Variants in THADA observed in about 807,000 individuals in gnomAD.
The protein encoded by THADA is THADA armadillo repeat containing, also known as tRNA (32-2'-O)-methyltransferase regulator THADA.
A neutral mutation model predicts 219.8 loss-of-function variants in THADA; 213 were observed. That is an observed-to-expected ratio of 0.97 (90% CI 0.87 to 1.09). THADA has a LOEUF of 1.09. Ranked by LOEUF, THADA falls within the 50% of genes least tolerant of loss-of-function variation. The pLI is 0.00. For missense variants in THADA, 2,956 were observed against 2,311.3 expected (o/e 1.28, Z -5.72); for synonymous variants, 1,018 against 828.9 (o/e 1.23, Z -3.92).
In THADA at chr2:43,498,851, A is replaced by G; in HGVS notation, c.3726T>C (p.Phe1242=). ...ADGAKAAILG[F]TSPVWAVRNS... ...CACTTACTGCCCAGACCGGTGATGT[A>G]AAACCCAGAATTGCAGCCTTAGCTC... Residue 1242 remains phenylalanine, a synonymous_variant, in exon 25 of 38, where the codon TTT becomes TTC. Transcript: ENST00000405975. The G allele has an allele frequency of 6.2e-7, 1 of 1,613,002 alleles. No homozygotes were observed. The highest frequency in any genetic ancestry group is 1.1e-5 in the South Asian group (1 of 90,658).
At position 43,498,906 on chromosome 2, in the gene THADA, C is replaced by T. The variant is rs773877085; in HGVS notation, c.3671G>A (p.Gly1224Glu). The change falls in exon 25 of 38, where the codon GGA becomes GAA. Residue 1224 changes from glycine to glutamate, a missense_variant. Physicochemically the swap from Gly to Glu is moderately conservative, Grantham distance 98. Coordinates refer to ENST00000405975, the MANE Select transcript of THADA (RefSeq NM_022065.5). ...LRALFRDTRLGENIIPYVADG... is the reference protein window; with the variant it reads ...LRALFRDTRLEENIIPYVADG... ...AGCAACATAAGGAATAATATTTTCT[C>T]CCAGGCGCGTATCTCTGAACAATGC... 2 of 1,601,064 alleles carry T rather than the reference C, an allele frequency of 1.2e-6. No individual in the cohort carries two copies. Among genetic ancestry groups the T allele is most frequent in the Non-Finnish European group, 8.5e-7 (1 of 1,173,444 alleles).
At chr2:43,593,602 G>C (rs1372088174) in intron 1 of THADA, among the ~76,000 whole-genome samples, 1 of 151,664 alleles carries the variant, frequency 6.6e-6, no homozygotes, top group Non-Finnish European at 1.5e-5. Context: ...TGGAGAAAAA[G>C]GGAATAGATT....
At chr2:43,436,703 T>A (rs547456506) in intron 26 of THADA, among the ~76,000 whole-genome samples, 16 of 152,316 alleles carry the variant, frequency 1.1e-4, no homozygotes, top group East Asian at 9.6e-4. Context: ...GAATACATTC[T>A]TTGGACTAAA....
intron 29 of THADA, among the ~76,000 whole-genome samples, chr2:43,364,068 C>G (rs1416444558): frequency 6.8e-6 from 1 of 147,066 alleles, no homozygotes; most frequent in African/African-American, 2.7e-5. Flanking sequence ...ACCAAAATTA[C>G]AAAAAATTAT....
At chr2:43,270,789 G>C (rs760343580) in intron 36 of THADA, among the ~76,000 whole-genome samples, 2 of 152,208 alleles carry the variant, frequency 1.3e-5, no homozygotes, top group African/African-American at 2.4e-5. Context: ...CAAGACTGCA[G>C]TGAGCTACAA....
At chr2:43,404,752 T>C (rs1369056769) in intron 28 of THADA, among the ~76,000 whole-genome samples, 1 of 152,124 alleles carries the variant, frequency 6.6e-6, no homozygotes, top group Non-Finnish European at 1.5e-5. Context: ...TGCTCTGGAA[T>C]CCAGCAGACC....
chr2:43,467,054 C>T (rs1006401361), intron 26 of THADA, among the ~76,000 whole-genome samples: 9 of 151,208 alleles, frequency 6.0e-5, no homozygotes, highest in African/African-American at 1.7e-4. Flanking sequence ...TGGTAGCGGG[C>T]GCCTGTAGTC....
chr2:43,556,274 T>C, intron 17 of THADA, 71 bp downstream of exon 17: 2 of 1,571,852 alleles, frequency 1.3e-6, no homozygotes, highest in Non-Finnish European at 1.7e-6. Context: ...TGTTTAACCA[T>C]TAGATATTCT....
rs756363512 is a variant in THADA, at chr2:43,574,885, C to A, written c.1180G>T (p.Glu394Ter). Residue 394 changes from glutamate to a stop codon, truncating the protein, a stop_gained, in exon 11 of 38, where the codon GAA becomes TAA. Transcript: ENST00000405975. LOFTEE classifies it high-confidence loss of function. ...TGTTCCCAATGGGTATAGACATATT[C>A]CAAAAGTCTCCCAACTATACTTGAA... ...GNSSIVGRLLEYVYTHWEHPL... is the reference protein window; with the variant it reads ...GNSSIVGRLL 2 of 1,613,850 alleles carry A rather than the reference C, an allele frequency of 1.2e-6. No individual in the cohort carries two copies. The highest frequency in any genetic ancestry group is 2.7e-5 in the African/African-American group (2 of 74,912).
chr2:43,533,858 G>A lies in THADA; in HGVS notation c.3265-5870C>T, dbSNP rs116540993. 3.2e-3 allele frequency among the ~76,000 whole-genome samples: 492 copies of A among 152,198 alleles called. 4 individuals are homozygous for A. Among genetic ancestry groups the A allele is most frequent in the African/African-American group, 0.01 (435 of 41,510 alleles). On this transcript the variant is annotated intron_variant, in intron 21 of 37. Transcript: ENST00000405975. ...ACCACCGTGGCACATGTATACCTAC[G>A]TAACAAACCTCACGTTCAGCACATG...
At chr2:43,503,724 C>A (rs1457555286) in intron 24 of THADA, among the ~76,000 whole-genome samples, 3 of 151,976 alleles carry the variant, frequency 2.0e-5, no homozygotes, top group Non-Finnish European at 4.4e-5. Context: ...AGAAGGAAAG[C>A]AAATTATCAA....
intron 26 of THADA, among the ~76,000 whole-genome samples, chr2:43,472,208 G>A (rs1684984097): frequency 1.3e-5 from 2 of 152,214 alleles, no homozygotes; most frequent in South Asian, 4.1e-4. Flanking sequence ...TTTGAAGGTA[G>A]CCAAGGCTGA....
Position 43,541,215 on chromosome 2 carries a change from G to T in THADA, c.3208C>A (p.Leu1070Ile), listed in dbSNP as rs1337420104. ...VALLLGMLCQ[L>I]LPMQPVPESS... ...TCTGGCACAGGCTGCATGGGCAGAA[G>T]CTGGCACAACATGCCTAAAAGTAAA... Residue 1070 changes from leucine (L) to isoleucine (I), a missense_variant, in exon 21 of 38, where the codon CTT (leucine) becomes ATT (isoleucine). Physicochemically the swap from Leu to Ile is conservative, Grantham distance 5. Transcript: ENST00000405975. 2.5e-6 allele frequency: 4 copies of T among 1,610,686 alleles called. No individual in the cohort carries two copies. Among genetic ancestry groups the T allele is most frequent in the Non-Finnish European group, 3.4e-6 (4 of 1,178,760 alleles).
chr2:43,464,913 C>A (rs1164722156), intron 26 of THADA, among the ~76,000 whole-genome samples: 1 of 152,062 alleles, frequency 6.6e-6, no homozygotes, highest in Non-Finnish European at 1.5e-5. Flanking sequence ...CAGTAACGAA[C>A]ATTTTGCCAG....
intron 36 of THADA, among the ~76,000 whole-genome samples, chr2:43,235,969 G>A (rs897512984): frequency 5.9e-5 from 9 of 152,112 alleles, no homozygotes; most frequent in Non-Finnish European, 1.0e-4. Flanking sequence ...ACCACGCCCG[G>A]CTAAATTTTT....
At chr2:43,498,787 C>T in intron 25 of THADA, 46 bp downstream of exon 25, 2 of 1,592,252 alleles carry the variant, frequency 1.3e-6, no homozygotes, top group Non-Finnish European at 1.7e-6. Flanking sequence ...AAAACCTACT[C>T]AGAAGCATAA....
rs564281401 is a variant in THADA at position 43,483,007 on chromosome 2, C to A, written c.3836+2227G>T. On this transcript the variant is annotated intron_variant, in intron 26 of 37. Transcript: ENST00000405975. Reference sequence around the variant, plus strand: ...CCAGTGGCAGCAAAATGCCTAGAAACCAGGTTTGTTTACTCCAAGTCAGAC... The same window carrying A: ...CCAGTGGCAGCAAAATGCCTAGAAAACAGGTTTGTTTACTCCAAGTCAGAC... Among the ~76,000 whole-genome samples the A allele has an allele frequency of 7.9e-5, 12 of 152,234 alleles. No individual in the cohort carries two copies. The East Asian group carries it at 2.3e-3, about 29-fold the overall frequency.
rs556214115 is a variant in THADA at position 43,432,135 on chromosome 2, C to A, written c.3837-1833G>T. On this transcript the variant is annotated intron_variant, in intron 26 of 37. Coordinates refer to ENST00000405975, the MANE Select transcript of THADA (RefSeq NM_022065.5). ...CCTCCCAAAGTGCTGGGATTACAGGCGTGAGCCACCGCGCCCGGCCAATTT... is the reference window on the plus strand; with the variant it reads ...CCTCCCAAAGTGCTGGGATTACAGGAGTGAGCCACCGCGCCCGGCCAATTT... Among the ~76,000 whole-genome samples the A allele has an allele frequency of 9.1e-5, 13 of 142,436 alleles. 2 individuals carry two copies. The South Asian group carries it at 2.7e-3, about 29-fold the overall frequency. The allele number at this position is 142,436 out of a possible 152,430, so 93.4% of individuals were successfully genotyped here.
At chr2:43,377,222 A>G (rs973669466) in intron 29 of THADA, among the ~76,000 whole-genome samples, 1 of 152,178 alleles carries the variant, frequency 6.6e-6, no homozygotes, top group African/African-American at 2.4e-5. Context: ...AGTTTAGATA[A>G]CGGTCCTTTC....
Sources: allele counts gnomAD v4.1 joint callset (sites outside exome capture counted in the v4.1 genomes callset), GRCh38; gene constraint gnomAD v4.1.1; transcripts MANE v1.5; gene names NCBI Gene and HGNC (gene_info 2026-07-23, HGNC 2026-07-21).